The following LIMS2 variants were observed in gnomAD, a reference collection of about 807,000 sequenced individuals.
LIMS2 encodes LIM zinc finger domain containing 2.
LIMS2 carries 30 observed loss-of-function variants against 45.3 expected under a neutral mutation model. That is an observed-to-expected ratio of 0.66 (90% CI 0.50 to 0.90). The LOEUF is 0.90. LIMS2 is among the 40% of genes least tolerant of loss of function. LIMS2 has a pLI of 0.00. For missense variants in LIMS2, 485 were observed against 468.7 expected (o/e 1.03, Z -0.32); for synonymous variants, 173 against 188.0 (o/e 0.92, Z 0.65).
chr2:127,679,435 T>G (rs1206971947), upstream of LIMS2, among the ~76,000 whole-genome samples: 3 of 134,166 alleles, frequency 2.2e-5, no homozygotes, highest in Non-Finnish European at 4.7e-5. The surrounding 1 kb of genome is among the most constrained non-coding windows in gnomAD (Gnocchi z 5.3). Context: ...ACACACTTAG[T>G]CTTCGCTGGG....
chr2:127,651,166 G>A (rs1683730116), intron 4 of LIMS2: 1 of 1,612,640 alleles, frequency 6.2e-7, no homozygotes, highest in African/African-American at 1.3e-5. Flanking sequence ...AAGCTCCGCA[G>A]GCCCCTCTAC....
At position 127,639,339 on chromosome 2, in the gene LIMS2, A is replaced by C; in HGVS notation, c.968T>G (p.Leu323Arg). Reference sequence around the variant, plus strand: ...GGCCTTGCGGGAGGTCAGCTCCGACAGCTTCTTCAGCCGCTTCTTCAGCTC... The same window carrying C: ...GGCCTTGCGGGAGGTCAGCTCCGACCGCTTCTTCAGCCGCTTCTTCAGCTC... ...PLELKKRLKK[L>R]SELTSRKAQP... is the part of the protein sequence containing the mutation. Residue 323 changes from leucine (L) to arginine (R), a missense_variant, in exon 10 of 10, where the codon CTG (leucine) becomes CGG (arginine). Coordinates refer to ENST00000355119, the MANE Select transcript of LIMS2 (RefSeq NM_001161403.3). The C allele has an allele frequency of 6.2e-7, 1 of 1,613,952 alleles. No homozygotes were observed. The highest frequency in any genetic ancestry group is 2.2e-5 in the East Asian group (1 of 44,874).
upstream of LIMS2, among the ~76,000 whole-genome samples, chr2:127,675,901 T>A (rs1471511724): frequency 6.6e-6 from 1 of 152,220 alleles, no homozygotes; most frequent in Non-Finnish European, 1.5e-5. Flanking sequence ...TTGCGGGCCA[T>A]CGCCCTAACT....
In LIMS2 at chr2:127,640,879, T is replaced by A; in HGVS notation, c.753+17A>T. ...CCCTCCAGACCCGCATCCCTGAAGGTTCTGCACCGGGCTCACCTGGTTGTA... is the reference window on the plus strand; with the variant it reads ...CCCTCCAGACCCGCATCCCTGAAGGATCTGCACCGGGCTCACCTGGTTGTA... On this transcript the variant is annotated intron_variant, in intron 7 of 9. Coordinates refer to ENST00000355119, the MANE Select transcript of LIMS2 (RefSeq NM_001161403.3). 6.2e-7 allele frequency: 1 copy of A among 1,610,612 alleles called. No homozygotes were observed. The highest frequency in any genetic ancestry group is 8.5e-7 in the Non-Finnish European group (1 of 1,177,390).
chr2:127,643,592 C>T (rs920916311), intron 4 of LIMS2: 4 of 456,512 alleles, frequency 8.8e-6, no homozygotes, highest in Middle Eastern at 3.2e-4. Flanking sequence ...ATGGAGGCCC[C>T]CAAACCCAGG....
At chr2:127,660,892 C>T (rs1387665415) in intron 1 of LIMS2, among the ~76,000 whole-genome samples, 4 of 149,046 alleles carry the variant, frequency 2.7e-5, no homozygotes, top group Non-Finnish European at 5.9e-5. Context: ...CTGCCTGTGG[C>T]CGACAGTATC....
At chr2:127,652,071 T>G in intron 4 of LIMS2, 1 of 364,378 alleles carries the variant, frequency 2.7e-6, no homozygotes. Flanking sequence ...CCCGCTAGGC[T>G]CCCAGCCTCC....
Position 127,642,543 on chromosome 2 carries a change from G to A in LIMS2, c.510-344C>T. ...GGGACGGTGGGGGTGGGCGAGGACG[G>A]GGGCTGAGGGGCTGCCTATGCAACT... On this transcript the variant is annotated intron_variant, in intron 5 of 9. Coordinates refer to ENST00000355119, the MANE Select transcript of LIMS2 (RefSeq NM_001161403.3). This position sits in a 1 kb window ranked among gnomAD's most constrained non-coding sequence, Gnocchi z 5.3. 2.8e-6 allele frequency: 1 copy of A among 362,162 alleles called. No individual in the cohort carries two copies. Among genetic ancestry groups the A allele is most frequent in the Non-Finnish European group, 5.0e-6 (1 of 198,180 alleles). The allele number at this position is 362,162 out of a possible 1,614,324, so 22.4% of individuals were successfully genotyped here.
intron 4 of LIMS2, among the ~76,000 whole-genome samples, chr2:127,649,579 C>T (rs990813066): frequency 5.9e-5 from 9 of 152,354 alleles, no homozygotes; most frequent in South Asian, 2.1e-4. Flanking sequence ...CTGGCCCCAC[C>T]GCCTGCCCAC....
At chr2:127,657,773 G>C (rs867668942) in intron 1 of LIMS2, among the ~76,000 whole-genome samples, 2 of 152,172 alleles carry the variant, frequency 1.3e-5, no homozygotes, top group African/African-American at 4.8e-5. Context: ...ACTCCCACTT[G>C]GGCCCCTATT....
At chr2:127,679,721 G>A (rs542080210), upstream of LIMS2, among the ~76,000 whole-genome samples, 6 of 152,242 alleles carry the variant, frequency 3.9e-5, no homozygotes, top group South Asian at 2.1e-4. The surrounding 1 kb of genome is among the most constrained non-coding windows in gnomAD (Gnocchi z 5.3). Flanking sequence ...CTTGGTCAGC[G>A]TGGCTAATCA....
rs773418747 is a variant in LIMS2, at chr2:127,654,888, G to A, written c.180C>T (p.Gly60=). ...GGAAGTCGTGTTCGCAGTACTTCCG[G>A]CCTTCAAACTGCAAAGGGGTCGCAG... ...FPEGLFYEFE[G]RKYCEHDFQM... is the part of the protein sequence containing the mutation. Residue 60 remains glycine (G), a synonymous_variant, in exon 3 of 10, where the codon GGC becomes GGT. Coordinates refer to ENST00000355119, the MANE Select transcript of LIMS2 (RefSeq NM_001161403.3). 1.9e-6 allele frequency: 3 copies of A among 1,613,912 alleles called. No individual in the cohort carries two copies. The highest frequency in any genetic ancestry group is 1.3e-5 in the African/African-American group (1 of 74,934).
chr2:127,649,159 G>GGAAGTTAGGAAGGAAGGAAGGAAA (rs1558878236), intron 4 of LIMS2, among the ~76,000 whole-genome samples: 14 of 120,820 alleles, frequency 1.2e-4, no homozygotes, highest in Middle Eastern at 3.8e-3. Context: ...GAGAGAGAGA[G>GGAAGTTAGGAAGGAAGGAAGGAAA]GAAGGTAGGA....
chr2:127,649,916 C>T (rs1381246071), intron 4 of LIMS2: 1 of 1,011,822 alleles, frequency 9.9e-7, no homozygotes, highest in Non-Finnish European at 1.5e-6. Flanking sequence ...ATGCTGCCCC[C>T]TGGTGGTGGA....
At chr2:127,639,555 A>ATCTCACCCTAGGGCCT in intron 9 of LIMS2, 127 bp from the exon 10 acceptor site, 1 of 1,192,384 alleles carries the variant, frequency 8.4e-7, no homozygotes, top group Non-Finnish European at 1.2e-6. Flanking sequence ...CCAGCAGGCC[A>ATCTCACCCTAGGGCCT]GGCCCTAGGG....
rs559162114 is a variant in LIMS2 at position 127,664,718 on chromosome 2, C to T, written c.12-7156G>A. 3.4e-6 allele frequency: 2 copies of T among 580,366 alleles called. No individual in the cohort carries two copies. Among genetic ancestry groups the T allele is most frequent in the East Asian group, 1.4e-4 (1 of 6,960 alleles). The allele number at this position is 580,366 out of a possible 1,614,324, so 36.0% of individuals were successfully genotyped here. ...GGTGAGGTCCACAGTGGCGGCAGGA[C>T]ACCCAGGAGGTCTCCGGCTGCCACC... On this transcript the variant is annotated intron_variant, in intron 1 of 9. Transcript: ENST00000355119. The surrounding 1 kb of genome is among the most constrained non-coding windows in gnomAD (Gnocchi z 5.5).
chr2:127,649,443 G>A lies in LIMS2; in HGVS notation c.359+4981C>T, dbSNP rs539954858. The stretch of plus-strand genomic sequence containing the variant: ...GGGGATGGTGGATACTGGGAAGCCA[G>A]GTGCCCAGAGGAGCCCCAGAAGCTG... On this transcript the variant is annotated intron_variant, in intron 4 of 9. Coordinates refer to ENST00000355119, the MANE Select transcript of LIMS2 (RefSeq NM_001161403.3). Among the ~76,000 whole-genome samples, 4 of 152,338 alleles carry A rather than the reference G, an allele frequency of 2.6e-5. No homozygotes were observed. The South Asian group carries it at 6.2e-4, about 24-fold the overall frequency.
At chr2:127,651,055 C>T (rs1477070232) in intron 4 of LIMS2, 4 of 1,613,746 alleles carry the variant, frequency 2.5e-6, no homozygotes, top group South Asian at 1.1e-5. Context: ...TGCCGTCTCA[C>T]CGGCTTCCTC....
At chr2:127,659,070 G>A (rs536488395) in intron 1 of LIMS2, among the ~76,000 whole-genome samples, 39 of 152,254 alleles carry the variant, frequency 2.6e-4, no homozygotes, top group African/African-American at 6.7e-4. Context: ...ACAGGGCTGC[G>A]CTTAGGGTCT....
Sources: gnomAD v4.1 joint callset for allele counts (sites outside exome capture counted in the v4.1 genomes callset) on GRCh38, gnomAD v4.1.1 for gene constraint, Gnocchi (gnomAD v3.1) non-coding constraint, MANE v1.5 for transcripts, NCBI Gene and HGNC (gene_info 2026-07-23, HGNC 2026-07-21) for gene names.